The following C1orf21 variants were observed in gnomAD, a reference collection of about 807,000 sequenced individuals.
C1orf21 encodes the protein chromosome 1 open reading frame 21.
A neutral mutation model predicts 18.7 loss-of-function variants in C1orf21; 3 were observed. The ratio of observed to expected loss-of-function variants is 0.16; its 90% CI spans 0.07 to 0.42. The LOEUF (loss-of-function observed/expected upper bound fraction) is 0.42, where lower values mean the gene tolerates loss of function less well. Ranked by LOEUF, C1orf21 falls within the 10% of genes least tolerant of loss-of-function variation. The pLI is 0.99. For missense variants in C1orf21, 104 were observed against 143.6 expected (o/e 0.72, Z 1.41); for synonymous variants, 41 against 46.4 (o/e 0.88, Z 0.47).
At chr1:184,610,104 A>G (rs1023656926) in intron 5 of C1orf21, among the ~76,000 whole-genome samples, 3 of 152,246 alleles carry the variant, frequency 2.0e-5, no homozygotes, top group East Asian at 3.9e-4. Flanking sequence ...CAGGCAAACT[A>G]TGGCCCATAG....
chr1:184,447,053 T>A (rs1657046282), intron 1 of C1orf21, among the ~76,000 whole-genome samples: 1 of 152,196 alleles, frequency 6.6e-6, no homozygotes. Flanking sequence ...CCTGTCTATC[T>A]GTACTGCCCA....
At chr1:184,600,422 C>T (rs1288586734) in intron 5 of C1orf21, among the ~76,000 whole-genome samples, 2 of 152,212 alleles carry the variant, frequency 1.3e-5, no homozygotes, top group South Asian at 2.1e-4. Flanking sequence ...GCACCTCAGC[C>T]TCCCAAAGTG....
At chr1:184,501,145 A>G (rs1279868105) in intron 2 of C1orf21, among the ~76,000 whole-genome samples, 1 of 152,204 alleles carries the variant, frequency 6.6e-6, no homozygotes, top group Non-Finnish European at 1.5e-5. Flanking sequence ...TAGCCTATTA[A>G]TGGCAGCTTC....
At chr1:184,486,477 G>C (rs1272510496) in intron 2 of C1orf21, among the ~76,000 whole-genome samples, 1 of 152,180 alleles carries the variant, frequency 6.6e-6, no homozygotes, top group African/African-American at 2.4e-5. Flanking sequence ...AACAAGGCCA[G>C]TGCACAATTA....
intron 3 of C1orf21, among the ~76,000 whole-genome samples, chr1:184,576,587 G>T (rs780361020): frequency 3.3e-5 from 5 of 152,174 alleles, no homozygotes; most frequent in Non-Finnish European, 7.4e-5. Context: ...TATTGTCCAG[G>T]GTCCTCTCAG....
At chr1:184,618,313 C>A (rs149006025) in intron 5 of C1orf21, among the ~76,000 whole-genome samples, 2 of 152,272 alleles carry the variant, frequency 1.3e-5, no homozygotes, top group Non-Finnish European at 2.9e-5. Context: ...ACTATTAACT[C>A]ATTTAATCTT....
chr1:184,493,418 A>G (rs918439018), intron 2 of C1orf21, among the ~76,000 whole-genome samples: 1 of 152,264 alleles, frequency 6.6e-6, no homozygotes, highest in East Asian at 1.9e-4. Flanking sequence ...ATGATGTTAA[A>G]TAGCACATCT....
At chr1:184,406,977 G>A (rs1884202) in intron 1 of C1orf21, among the ~76,000 whole-genome samples, 43,898 of 151,580 alleles carry the variant, frequency 0.29, 9,611 homozygotes, top group African/African-American at 0.62. Flanking sequence ...TTTTCTCTTT[G>A]TTTTTCTAGA....
chr1:184,599,730 T>A (rs1659562586), intron 5 of C1orf21: 1 of 152,180 alleles, frequency 6.6e-6, no homozygotes, highest in Admixed American at 6.5e-5. Context: ...GTCAGTAACC[T>A]TTTTTAGTAA....
In C1orf21 at chr1:184,567,615, A is replaced by C. The variant is rs143632953; in HGVS notation, c.190-23124A>C. On this transcript the variant is annotated intron_variant, in intron 3 of 5. Transcript: ENST00000235307. The stretch of plus-strand genomic sequence containing the variant: ...TTGGGATTTCGTTGGTGGGGCAGGC[A>C]GTGGAGGATGCTAGGCAGACTGCAG... 3.5e-3 allele frequency: 1,572 copies of C among 447,150 alleles called. 24 individuals carry two copies. Among genetic ancestry groups the C allele is most frequent in the African/African-American group, 0.022 (1,104 of 49,726 alleles). 27.7% of individuals were successfully genotyped at this position (447,150 alleles called of 1,614,324 possible). A position where few individuals can be genotyped will look rare whatever the true frequency, so the allele number is the denominator to read the frequency against.
intron 3 of C1orf21, among the ~76,000 whole-genome samples, chr1:184,537,797 T>G (rs915681230): frequency 6.6e-6 from 1 of 152,046 alleles, no homozygotes; most frequent in African/African-American, 2.4e-5. Context: ...ATTACAGGCA[T>G]GCGCTACCAT....
intron 3 of C1orf21, among the ~76,000 whole-genome samples, chr1:184,514,356 A>T (rs182457900): frequency 6.2e-4 from 95 of 152,298 alleles, no homozygotes; most frequent in African/African-American, 2.2e-3. Context: ...CATATATTTA[A>T]TGTATATATA....
At chr1:184,588,022 C>G (rs1012290159) in intron 3 of C1orf21, among the ~76,000 whole-genome samples, 1 of 152,166 alleles carries the variant, frequency 6.6e-6, no homozygotes, top group African/African-American at 2.4e-5. Context: ...AGCATTTCTT[C>G]TGCATGTCCA....
At chr1:184,501,882 C>A (rs1657981145) in intron 2 of C1orf21, among the ~76,000 whole-genome samples, 1 of 151,946 alleles carries the variant, frequency 6.6e-6, no homozygotes, top group African/African-American at 2.4e-5. Context: ...AAACACCACA[C>A]CTCTAATAAG....
intron 3 of C1orf21, among the ~76,000 whole-genome samples, chr1:184,532,645 G>A (rs562674595): frequency 6.6e-6 from 1 of 152,302 alleles, no homozygotes; most frequent in African/African-American, 2.4e-5. Flanking sequence ...TACTCAGGAG[G>A]CTGAAGCAGG....
At chr1:184,570,313 AATTAT>A (rs1659091374) in intron 3 of C1orf21, among the ~76,000 whole-genome samples, 1 of 152,152 alleles carries the variant, frequency 6.6e-6, no homozygotes, top group South Asian at 2.1e-4. Flanking sequence ...AATAAGTTTA[AATTAT>A]GTTAAATATG....
intron 2 of C1orf21, among the ~76,000 whole-genome samples, chr1:184,503,567 A>G (rs148211624): frequency 5.3e-5 from 8 of 152,216 alleles, no homozygotes; most frequent in Admixed American, 5.2e-4. Flanking sequence ...CTCAGACTGT[A>G]CTGAGTGTAC....
In C1orf21 at chr1:184,480,149, G is replaced by A. The variant is rs1010664613; in HGVS notation, c.94+2546G>A. On this transcript the variant is annotated intron_variant, in intron 2 of 5. Transcript: ENST00000235307. ...GATAGATGCTCTGCCTTAAACCGCA[G>A]AATCAGAGCAGATTTCTTACAGAGA... Among the ~76,000 whole-genome samples the A allele has an allele frequency of 2.0e-4, 30 of 152,276 alleles. 2 individuals carry two copies. In the South Asian group the frequency reaches 4.8e-3, roughly 24 times the overall value.
chr1:184,600,119 A>G (rs999902788), intron 5 of C1orf21, among the ~76,000 whole-genome samples: 1 of 152,166 alleles, frequency 6.6e-6, no homozygotes, highest in Non-Finnish European at 1.5e-5. Context: ...ATCTTTTTAA[A>G]CAACACTTAC....
Sources: gnomAD v4.1 joint callset for allele counts (sites outside exome capture counted in the v4.1 genomes callset) on GRCh38, gnomAD v4.1.1 for gene constraint, MANE v1.5 for transcripts, NCBI Gene and HGNC (gene_info 2026-07-23, HGNC 2026-07-21) for gene names.